Variants in B3GAT1 observed in about 807,000 individuals in gnomAD.
B3GAT1 encodes the protein beta-1,3-glucuronyltransferase 1, also known as galactosylgalactosylxylosylprotein 3-beta-glucuronosyltransferase 1.
Under a neutral mutation model 28.4 loss-of-function variants are expected in B3GAT1, and 11 were observed. The observed-to-expected ratio is 0.39, with a 90% CI of 0.24 to 0.64. B3GAT1 has a LOEUF of 0.64. Among genes scored for constraint, B3GAT1 ranks in the 30% least tolerant of loss-of-function variants. B3GAT1 has a pLI of 0.50. For missense variants in B3GAT1, 375 were observed against 491.0 expected, an observed-to-expected ratio of 0.76 and a Z score of 2.23; for synonymous variants, 255 against 223.1, an observed-to-expected ratio of 1.14 and a Z score of -1.27.
At chr11:134,402,896 G>C (rs959460788) in intron 1 of B3GAT1, among the ~76,000 whole-genome samples, 2 of 149,806 alleles carry the variant, frequency 1.3e-5, no homozygotes, top group Non-Finnish European at 3.0e-5. Context: ...CTGGGCAACA[G>C]AGCGAGACTC....
At chr11:134,403,685 T>C (rs1454065511) in intron 1 of B3GAT1, among the ~76,000 whole-genome samples, 1 of 152,084 alleles carries the variant, frequency 6.6e-6, no homozygotes, top group Non-Finnish European at 1.5e-5. Context: ...TCAAATAACC[T>C]GTCAACCAGA....
chr11:134,386,056 T>G (rs778756688), intron 2 of B3GAT1: 18 of 152,248 alleles, frequency 1.2e-4, no homozygotes, highest in Non-Finnish European at 2.1e-4. Flanking sequence ...GATTCTGAAC[T>G]GACAAGCACA....
chr11:134,383,580 T>G, intron 3 of B3GAT1, 100 bp downstream of exon 3: 1 of 1,403,072 alleles, frequency 7.1e-7, no homozygotes, highest in Non-Finnish European at 9.3e-7. Flanking sequence ...CTTCCCGGGT[T>G]CCCCCTGCGC....
At chr11:134,407,048 G>A (rs1048870607) in intron 1 of B3GAT1, among the ~76,000 whole-genome samples, 4 of 151,968 alleles carry the variant, frequency 2.6e-5, no homozygotes, top group African/African-American at 7.3e-5. Context: ...GGAACGTTCT[G>A]TATCTGTACC....
chr11:134,388,005 G>T, intron 1 of B3GAT1, 65 bp from the exon 2 acceptor site: 1 of 605,194 alleles, frequency 1.7e-6, no homozygotes, highest in Non-Finnish European at 2.8e-6. Flanking sequence ...CAGCAAGGCT[G>T]GGCCCTGCTC....
intron 2 of B3GAT1, chr11:134,385,617 G>C (rs1489439416): frequency 6.6e-6 from 1 of 151,868 alleles, no homozygotes; most frequent in Non-Finnish European, 1.5e-5. Flanking sequence ...GGGCAGTCAA[G>C]TTTTGGAAAC....
chr11:134,395,691 C>A (rs1404970038), intron 1 of B3GAT1, among the ~76,000 whole-genome samples: 1 of 152,090 alleles, frequency 6.6e-6, no homozygotes, highest in Non-Finnish European at 1.5e-5. Context: ...CCTTTCCATC[C>A]TTGCCCTAGG....
At chr11:134,387,487 G>C (rs1247961226) in intron 2 of B3GAT1, 61 bp downstream of exon 2, 2 of 1,599,316 alleles carry the variant, frequency 1.3e-6, no homozygotes, top group East Asian at 2.2e-5. Context: ...CTGCGTGTCA[G>C]CTGTGGTCAC....
intron 1 of B3GAT1, among the ~76,000 whole-genome samples, chr11:134,403,549 CTG>C (rs1944663004): frequency 6.6e-6 from 1 of 152,164 alleles, no homozygotes; most frequent in African/African-American, 2.4e-5. Context: ...TCCCATGACA[CTG>C]TGACATAGCT....
chr11:134,405,098 G>C (rs1591651460), intron 1 of B3GAT1, among the ~76,000 whole-genome samples: 1 of 152,202 alleles, frequency 6.6e-6, no homozygotes. Context: ...GCAGGGCTGG[G>C]GGGGTGACGA....
chr11:134,407,627 G>A (rs1017536969), intron 1 of B3GAT1, among the ~76,000 whole-genome samples: 2 of 152,258 alleles, frequency 1.3e-5, no homozygotes, highest in African/African-American at 4.8e-5. Flanking sequence ...ACTTGGCGCG[G>A]AGGCTGCCTC....
chr11:134,379,547 C>T lies in B3GAT1; in HGVS notation c.*1215G>A, dbSNP rs1442615518. 6.6e-6 allele frequency: 1 copy of T among 152,476 alleles called. No individual in the cohort carries two copies. The highest frequency in any genetic ancestry group is 1.5e-5 in the Non-Finnish European group (1 of 68,082). 9.4% of individuals were successfully genotyped at this position (152,476 alleles called of 1,614,324 possible). A position where few individuals can be genotyped will look rare whatever the true frequency, so the allele number is the denominator to read the frequency against. On this transcript the variant is annotated 3_prime_UTR_variant, in exon 6 of 6. Coordinates refer to ENST00000312527, the MANE Select transcript of B3GAT1 (RefSeq NM_054025.3). Reference sequence around the variant, plus strand: ...GACAGCTGGACATGAGGTGGGCTAGCTCTGCATGCTCCTGACTTAGGGAGA... The same window carrying T: ...GACAGCTGGACATGAGGTGGGCTAGTTCTGCATGCTCCTGACTTAGGGAGA...
chr11:134,411,670 GCACACA>G lies in B3GAT1; in HGVS notation c.-282+131_-282+136del, dbSNP rs149891710. 1,735 of 144,686 alleles carry G rather than the reference GCACACA, an allele frequency of 0.012. 23 individuals carry two copies. The highest frequency in any genetic ancestry group is 0.03 in the African/African-American group (1,188 of 39,684). 9.0% of individuals were successfully genotyped at this position (144,686 alleles called of 1,614,324 possible). A position where few individuals can be genotyped will look rare whatever the true frequency, so the allele number is the denominator to read the frequency against. On this transcript the variant is annotated intron_variant, in intron 1 of 5. Transcript: ENST00000312527. This position sits in a 1 kb window ranked among gnomAD's most constrained non-coding sequence, Gnocchi z 6.0. Reference sequence around the variant, plus strand: ...TCCAGCTGCCCCCAGCGCGCGCAGCGCACACACACACACACACACACACACACACAC... The same window carrying G: ...TCCAGCTGCCCCCAGCGCGCGCAGCGCACACACACACACACACACACACAC...
chr11:134,402,912 CAAA>C (rs970550896), intron 1 of B3GAT1, among the ~76,000 whole-genome samples: 4 of 83,484 alleles, frequency 4.8e-5, no homozygotes, highest in African/African-American at 1.1e-4. Flanking sequence ...GACTCTGTTT[CAAA>C]AAAAAAAAAA....
rs372868804 is a variant in B3GAT1, at chr11:134,387,682, G to A, written c.-23C>T. ...CATCTCCAAGGCTGGCTGCACCCAC[G>A]GCTCCTCATTACCTGAGTGGCGGTA... On this transcript the variant is annotated 5_prime_UTR_variant, in exon 2 of 6. Coordinates refer to ENST00000312527, the MANE Select transcript of B3GAT1 (RefSeq NM_054025.3). The A allele has an allele frequency of 1.4e-4, 226 of 1,613,586 alleles. No individual in the cohort carries two copies. The highest frequency in any genetic ancestry group is 2.4e-4 in the African/African-American group (18 of 75,042).
At chr11:134,394,256 A>T (rs1041781320) in intron 1 of B3GAT1, among the ~76,000 whole-genome samples, 1 of 152,228 alleles carries the variant, frequency 6.6e-6, no homozygotes, top group Non-Finnish European at 1.5e-5. Context: ...CATAAAGCCC[A>T]GTCCCTCGAT....
At chr11:134,403,983 TTATATA>T (rs55794505) in intron 1 of B3GAT1, among the ~76,000 whole-genome samples, 2,797 of 40,338 alleles carry the variant, frequency 0.069, 101 homozygotes, top group Middle Eastern at 0.11. Context: ...GTTTCTTTCT[TTATATA>T]TATATATATA....
chr11:134,390,848 C>T (rs1012283821), intron 1 of B3GAT1: 1 of 152,312 alleles, frequency 6.6e-6, no homozygotes, highest in Non-Finnish European at 1.5e-5. Context: ...CCAAGCCTCT[C>T]GAACCTGGGC....
Position 134,382,928 on chromosome 11 carries a change from C to G in B3GAT1, c.700G>C (p.Gly234Arg). Reference sequence around the variant, plus strand: ...TTCCAGCCGACCACCTTCCCTGCCCCGTTCACCCGTGGGGCCTCGTACCGC... The same window carrying G: ...TTCCAGCCGACCACCTTCCCTGCCCGGTTCACCCGTGGGGCCTCGTACCGC... Reference protein sequence around the residue: ...GLRYEAPRVNGAGKVVGWKTV... With the variant: ...GLRYEAPRVNRAGKVVGWKTV... Residue 234 changes from glycine (G) to arginine (R), a missense_variant, in exon 4 of 6, where the codon GGG becomes CGG. By Grantham distance (125) the Gly-to-Arg change is moderately radical. Coordinates refer to ENST00000312527, the MANE Select transcript of B3GAT1 (RefSeq NM_054025.3). The G allele has an allele frequency of 6.2e-7, 1 of 1,611,222 alleles. No individual in the cohort carries two copies. The highest frequency in any genetic ancestry group is 8.5e-7 in the Non-Finnish European group (1 of 1,178,774).
Sources: allele counts gnomAD v4.1 joint callset (sites outside exome capture counted in the v4.1 genomes callset), GRCh38; gene constraint gnomAD v4.1.1; non-coding constraint Gnocchi (gnomAD v3.1); transcripts MANE v1.5; gene names NCBI Gene and HGNC (gene_info 2026-07-23, HGNC 2026-07-21).